The following MACROD2 variants were observed in gnomAD, a reference collection of about 807,000 sequenced individuals.
MACROD2 encodes the protein ADP-ribose glycohydrolase MACROD2.
Under a neutral mutation model 70.4 loss-of-function variants are expected in MACROD2, and 36 were observed. The ratio of observed to expected loss-of-function variants is 0.51; its 90% confidence interval spans 0.39 to 0.68. The LOEUF (loss-of-function observed/expected upper bound fraction) is 0.68, where lower values mean the gene tolerates loss of function less well. Among genes scored for constraint, MACROD2 ranks in the 30% least tolerant of loss-of-function variants. The probability of loss-of-function intolerance (pLI) is 0.00; values close to 1 mark genes in which losing one functional copy is unlikely to be tolerated. For synonymous variants in MACROD2, 172 were observed against 178.8 expected, an observed-to-expected ratio of 0.96 and a Z score of 0.30; for missense variants, 496 against 538.4, an observed-to-expected ratio of 0.92 and a Z score of 0.78.
intron 3 of MACROD2, among the ~76,000 whole-genome samples, chr20:14,198,201 G>A (rs763372488): frequency 6.6e-6 from 1 of 151,832 alleles, no homozygotes; most frequent in Non-Finnish European, 1.5e-5. Flanking sequence ...AGAGGGAGAG[G>A]AAAAGAGAGA....
chr20:14,009,383 G>A (rs2052866189), intron 2 of MACROD2, among the ~76,000 whole-genome samples: 1 of 152,084 alleles, frequency 6.6e-6, no homozygotes, highest in South Asian at 2.1e-4. Flanking sequence ...CATCACTAAT[G>A]AGTAATGATG....
intron 3 of MACROD2, among the ~76,000 whole-genome samples, chr20:14,375,419 AG>A (rs1447258327): frequency 6.6e-6 from 1 of 152,216 alleles, no homozygotes; most frequent in Non-Finnish European, 1.5e-5. Context: ...CTGTTTCTGA[AG>A]GTTTTGTTTC....
rs1480938408 is a variant in MACROD2, at chr20:16,040,392, G to A, written c.1154-809G>A. Among the ~76,000 whole-genome samples, 5 of 151,876 alleles carry A rather than the reference G, an allele frequency of 3.3e-5. No homozygotes were observed. In the East Asian group the frequency reaches 5.8e-4, roughly 18 times the overall value. ...TAAATTTAATCCTCTCTTTAAAAATGTACAGGAATCATAAAACCTTTAAAA... is the reference window on the plus strand; with the variant it reads ...TAAATTTAATCCTCTCTTTAAAAATATACAGGAATCATAAAACCTTTAAAA... On this transcript the variant is annotated intron_variant, in intron 15 of 17. Coordinates refer to ENST00000684519, the MANE Select transcript of MACROD2 (RefSeq NM_001351661.2).
At chr20:14,104,928 C>T (rs1432608048) in intron 3 of MACROD2, among the ~76,000 whole-genome samples, 5 of 152,134 alleles carry the variant, frequency 3.3e-5, no homozygotes, top group South Asian at 4.1e-4. Context: ...CTTGTAATTG[C>T]GTGGCTTGTC....
chr20:14,935,753 T>A (rs1033197705), intron 5 of MACROD2, among the ~76,000 whole-genome samples: 3 of 152,190 alleles, frequency 2.0e-5, no homozygotes, highest in African/African-American at 4.8e-5. Flanking sequence ...GCACGTTAAA[T>A]CCTTCCAGTC....
intron 4 of MACROD2, among the ~76,000 whole-genome samples, chr20:14,569,845 T>C (rs1980066958): frequency 6.6e-6 from 1 of 151,382 alleles, no homozygotes; most frequent in Admixed American, 6.6e-5. Flanking sequence ...CCATAGAAAA[T>C]GCAAGTGCAA....
At chr20:15,876,327 T>C (rs1183223253) in intron 9 of MACROD2, among the ~76,000 whole-genome samples, 69 of 152,102 alleles carry the variant, frequency 4.5e-4, no homozygotes, top group Non-Finnish European at 4.1e-4. Context: ...AGTGTTCTCA[T>C]TGTTCAATTC....
At chr20:14,565,803 G>A (rs185918473) in intron 4 of MACROD2, among the ~76,000 whole-genome samples, 34 of 151,808 alleles carry the variant, frequency 2.2e-4, no homozygotes, top group African/African-American at 7.5e-4. Context: ...ATGACCCAAG[G>A]GGCTTACTTT....
At chr20:14,822,982 C>A (rs1273983149) in intron 5 of MACROD2, among the ~76,000 whole-genome samples, 1 of 152,048 alleles carries the variant, frequency 6.6e-6, no homozygotes, top group Non-Finnish European at 1.5e-5. Context: ...TCTTCTTTAA[C>A]TGGATGTTCT....
chr20:14,858,429 T>G (rs2073279117), intron 5 of MACROD2, among the ~76,000 whole-genome samples: 1 of 152,070 alleles, frequency 6.6e-6, no homozygotes, highest in Admixed American at 6.6e-5. Context: ...ATCTCAAAAC[T>G]TACTGTGTGA....
At chr20:15,483,539 C>G (rs142215040) in intron 7 of MACROD2, among the ~76,000 whole-genome samples, 294 of 152,240 alleles carry the variant, frequency 1.9e-3, no homozygotes, top group African/African-American at 6.5e-3. Flanking sequence ...GGGCTTTTAT[C>G]TCTCCACATA....
At chr20:15,007,749 A>G (rs2075051091) in intron 5 of MACROD2, among the ~76,000 whole-genome samples, 1 of 152,208 alleles carries the variant, frequency 6.6e-6, no homozygotes, top group Non-Finnish European at 1.5e-5. Context: ...TGATCATGAC[A>G]GTGGAAAATC....
At chr20:16,013,465 T>C (rs2066890701) in intron 15 of MACROD2, among the ~76,000 whole-genome samples, 1 of 152,162 alleles carries the variant, frequency 6.6e-6, no homozygotes, top group South Asian at 2.1e-4. Context: ...AATTAAAAAA[T>C]AGATTTGAGA....
intron 2 of MACROD2, 70 bp from the exon 3 acceptor site, chr20:14,085,551 G>T (rs1294389689): frequency 2.2e-6 from 2 of 893,558 alleles, no homozygotes; most frequent in South Asian, 2.7e-5. Context: ...TAGTAGTCTT[G>T]AGTAAAAAAT....
intron 8 of MACROD2, among the ~76,000 whole-genome samples, chr20:15,819,265 TAG>T (rs928149218): frequency 4.8e-5 from 6 of 123,874 alleles, no homozygotes; most frequent in Non-Finnish European, 1.1e-4. Flanking sequence ...TTACATAGTA[TAG>T]AGAGATATCA....
Position 15,499,820 on chromosome 20 carries a change from G to T in MACROD2, c.618G>T (p.Lys206Asn). ...PAAVIALNTI[K>N]EWLAKNHHEV... ...CAGTCATTGCCCTCAACACCATTAAGGAATGGCTTGCCAAGAATCACCATG... is the reference window on the plus strand; with the variant it reads ...CAGTCATTGCCCTCAACACCATTAATGAATGGCTTGCCAAGAATCACCATG... The change falls in exon 8 of 18, where the codon AAG (lysine) becomes AAT (asparagine). Residue 206 changes from lysine (K) to asparagine (N), a missense_variant. By Grantham distance (94) the Lys-to-Asn change is moderately conservative. Transcript: ENST00000684519. 3 of 1,613,714 alleles carry T rather than the reference G, an allele frequency of 1.9e-6. No homozygotes were observed. The highest frequency in any genetic ancestry group is 2.5e-6 in the Non-Finnish European group (3 of 1,179,728).
chr20:14,864,725 A>G (rs951953552), intron 5 of MACROD2, among the ~76,000 whole-genome samples: 2 of 152,092 alleles, frequency 1.3e-5, no homozygotes, highest in African/African-American at 2.4e-5. Flanking sequence ...TAACTGAGAA[A>G]GCAGTGGCTC....
chr20:15,654,895 A>T (rs1436144339), intron 8 of MACROD2, among the ~76,000 whole-genome samples: 2 of 152,134 alleles, frequency 1.3e-5, no homozygotes, highest in African/African-American at 4.8e-5. Context: ...CATATAGAGT[A>T]TCTAATTTTG....
At chr20:14,792,243 A>G (rs568750216) in intron 5 of MACROD2, among the ~76,000 whole-genome samples, 1 of 152,242 alleles carries the variant, frequency 6.6e-6, no homozygotes, top group East Asian at 1.9e-4. Context: ...TTAATTGTGA[A>G]TATAAGACTG....
Sources: allele counts gnomAD v4.1 joint callset (sites outside exome capture counted in the v4.1 genomes callset), GRCh38; gene constraint gnomAD v4.1.1; transcripts MANE v1.5; gene names NCBI Gene and HGNC (gene_info 2026-07-23, HGNC 2026-07-21).